Variants in ANXA4 observed in about 807,000 individuals in gnomAD.
ANXA4 encodes annexin A4.
A neutral mutation model predicts 49.8 loss-of-function variants in ANXA4; 39 were observed. That is an observed-to-expected ratio of 0.78 (90% CI 0.61 to 1.02). The LOEUF (loss-of-function observed/expected upper bound fraction) is 1.02, where lower values mean the gene tolerates loss of function less well. Ranked by LOEUF, ANXA4 falls within the 50% of genes least tolerant of loss-of-function variation. The pLI is 0.00. For synonymous variants in ANXA4, 134 were observed against 152.5 expected (o/e 0.88, Z 0.89); for missense variants, 360 against 410.1 (o/e 0.88, Z 1.05).
intron 12 of ANXA4, among the ~76,000 whole-genome samples, chr2:69,824,600 A>G (rs956687045): frequency 3.3e-5 from 5 of 152,228 alleles, no homozygotes; most frequent in African/African-American, 9.6e-5. Context: ...GAAAATATAC[A>G]AAAATGTAAC....
At chr2:69,762,855 ACACT>A (rs200209962) in intron 1 of ANXA4, among the ~76,000 whole-genome samples, 2,556 of 97,422 alleles carry the variant, frequency 0.026, 26 homozygotes, top group Middle Eastern at 0.035. Flanking sequence ...ATAAACACAC[ACACT>A]CACTCACACA....
chr2:69,762,855 ACACTCACT>A (rs200209962), intron 1 of ANXA4, among the ~76,000 whole-genome samples: 1 of 97,398 alleles, frequency 1.0e-5, no homozygotes, highest in Non-Finnish European at 1.9e-5. Flanking sequence ...ATAAACACAC[ACACTCACT>A]CACACACTCA....
At chr2:69,674,650 GT>G (rs1677327406) in intron 2 of ANXA4, among the ~76,000 whole-genome samples, 1 of 152,142 alleles carries the variant, frequency 6.6e-6, no homozygotes, top group Non-Finnish European at 1.5e-5. Flanking sequence ...AGCAATTTCT[GT>G]GTCTATTTTT....
intron 1 of ANXA4, among the ~76,000 whole-genome samples, chr2:69,762,323 C>T (rs1044221851): frequency 4.6e-5 from 7 of 151,582 alleles, no homozygotes; most frequent in Non-Finnish European, 1.0e-4. Context: ...AAGCTGGAGG[C>T]TGCACTGAGC....
At chr2:69,802,951 C>T (rs1673279293) in intron 3 of ANXA4, among the ~76,000 whole-genome samples, 1 of 151,526 alleles carries the variant, frequency 6.6e-6, no homozygotes, top group African/African-American at 2.4e-5. Flanking sequence ...AATCTCAGCA[C>T]TTTGGGAGGC....
At chr2:69,793,250 C>CAAAAAAAAAAAAAA (rs70954360) in intron 3 of ANXA4, among the ~76,000 whole-genome samples, 1 of 128,562 alleles carries the variant, frequency 7.8e-6, no homozygotes, top group African/African-American at 3.0e-5. Flanking sequence ...GACTCCATCT[C>CAAAAAAAAAAAAAA]AAAAAAAAAA....
At chr2:69,729,642 G>A (rs192657606) in intron 3 of ANXA4, among the ~76,000 whole-genome samples, 15 of 152,280 alleles carry the variant, frequency 9.9e-5, no homozygotes, top group East Asian at 1.9e-4. Flanking sequence ...CTATTCTCGG[G>A]AAATCCCAGG....
At chr2:69,694,503 C>G (rs1288800975) in intron 2 of ANXA4, among the ~76,000 whole-genome samples, 3 of 141,176 alleles carry the variant, frequency 2.1e-5, no homozygotes, top group African/African-American at 7.9e-5. Context: ...TCTCCTAATG[C>G]TATCCCTCCC....
chr2:69,783,935 C>T (rs1672305644), intron 2 of ANXA4, among the ~76,000 whole-genome samples: 1 of 152,198 alleles, frequency 6.6e-6, no homozygotes, highest in Non-Finnish European at 1.5e-5. Flanking sequence ...ATTGTTGCAT[C>T]AGTAGTTTTG....
At chr2:69,778,485 G>T (rs1672051621) in intron 1 of ANXA4, among the ~76,000 whole-genome samples, 1 of 152,106 alleles carries the variant, frequency 6.6e-6, no homozygotes, top group Admixed American at 6.5e-5. Context: ...CATTTAGAAA[G>T]TAAAGTTGGG....
chr2:69,752,275 G>A (rs1197905147), intron 1 of ANXA4, among the ~76,000 whole-genome samples: 2 of 152,142 alleles, frequency 1.3e-5, no homozygotes, highest in Non-Finnish European at 2.9e-5. Context: ...GAGTATTGAG[G>A]GACAGGTCCT....
At chr2:69,763,180 A>G (rs1306303255) in intron 1 of ANXA4, among the ~76,000 whole-genome samples, 1 of 152,096 alleles carries the variant, frequency 6.6e-6, no homozygotes. Flanking sequence ...AGATGTGGGG[A>G]CAGAACCCTG....
At chr2:69,792,309 G>T (rs548436692) in intron 3 of ANXA4, among the ~76,000 whole-genome samples, 3 of 152,162 alleles carry the variant, frequency 2.0e-5, no homozygotes, top group Admixed American at 2.0e-4. Flanking sequence ...TGAAAATCCC[G>T]TGTTAAGAGA....
intron 2 of ANXA4, among the ~76,000 whole-genome samples, chr2:69,719,517 G>A (rs6753991): frequency 0.088 from 13,291 of 151,274 alleles, 1,903 homozygotes; most frequent in African/African-American, 0.3. Flanking sequence ...TCGGCTCATT[G>A]CAAACTCTGC....
chr2:69,646,323 T>C lies in ANXA4; in HGVS notation n.481+1418T>C, dbSNP rs570032721. On this transcript the variant is annotated intron_variant and non_coding_transcript_variant, in intron 1 of 3. Coordinates refer to the ANXA4 transcript ENST00000418066. ...ATTCCTGTTCAACTTTTAATGTATATTGCTGTCTCAACCAAACACCTCAAA... is the reference window on the plus strand; with the variant it reads ...ATTCCTGTTCAACTTTTAATGTATACTGCTGTCTCAACCAAACACCTCAAA... 2.4e-4 allele frequency among the ~76,000 whole-genome samples: 37 copies of C among 152,370 alleles called. No individual in the cohort carries two copies. The South Asian group carries it at 6.8e-3, about 28-fold the overall frequency.
At chr2:69,698,873 GAGA>G (rs1405419838) in intron 2 of ANXA4, among the ~76,000 whole-genome samples, 1 of 152,186 alleles carries the variant, frequency 6.6e-6, no homozygotes, top group Non-Finnish European at 1.5e-5. Context: ...AATGAAGAGG[GAGA>G]AGAAGTAGAA....
chr2:69,671,086 C>T (rs1455048803), intron 2 of ANXA4, among the ~76,000 whole-genome samples: 6 of 148,690 alleles, frequency 4.0e-5, no homozygotes, highest in Non-Finnish European at 8.9e-5. Context: ...CAGAATGGAC[C>T]TAAAATGTGA....
rs748196181 is a variant in ANXA4 at position 69,670,438 on chromosome 2, C to CAA, written n.766+17176_766+17177dup. ...CTGGCGACAGAGCGAGACTCAATCT[C>CAA]AAAAAAAAAAAAAAAAAAAAAGACA... On this transcript the variant is annotated intron_variant and non_coding_transcript_variant, in intron 2 of 3. Coordinates refer to the ANXA4 transcript ENST00000418066. 3.4e-3 allele frequency among the ~76,000 whole-genome samples: 151 copies of CAA among 44,476 alleles called. 1 individual carries two copies. The highest frequency in any genetic ancestry group is 9.7e-3 in the African/African-American group (120 of 12,402). 29.2% of individuals were successfully genotyped at this position (44,476 alleles called of 152,430 possible).
intron 3 of ANXA4, among the ~76,000 whole-genome samples, chr2:69,797,964 G>T: frequency 6.6e-6 from 1 of 152,202 alleles, no homozygotes; most frequent in Non-Finnish European, 1.5e-5. Flanking sequence ...GCCTCCATAT[G>T]CTCTTTAAAC....
Sources: gnomAD v4.1 joint callset for allele counts (sites outside exome capture counted in the v4.1 genomes callset) on GRCh38, gnomAD v4.1.1 for gene constraint, MANE v1.5 for transcripts, NCBI Gene and HGNC (gene_info 2026-07-23, HGNC 2026-07-21) for gene names.